IGF2BP2: variants seen among roughly 807,000 people sequenced by gnomAD.
The protein encoded by IGF2BP2 is insulin-like growth factor 2 mRNA-binding protein 2.
IGF2BP2 carries 17 observed loss-of-function variants against 75.8 expected under a neutral mutation model. The ratio of observed to expected loss-of-function variants is 0.22; its 90% CI spans 0.15 to 0.34. IGF2BP2 has a LOEUF of 0.34. IGF2BP2 is among the 10% of genes least tolerant of loss of function. The probability of loss-of-function intolerance (pLI) is 1.00; values close to 1 mark genes in which losing one functional copy is unlikely to be tolerated. For synonymous variants in IGF2BP2, 288 were observed against 295.6 expected (o/e 0.97, Z 0.26); for missense variants, 516 against 772.4 (o/e 0.67, Z 3.93).
intron 2 of IGF2BP2, among the ~76,000 whole-genome samples, chr3:185,747,718 T>A (rs1286086069): frequency 6.6e-6 from 1 of 151,982 alleles, no homozygotes; most frequent in Non-Finnish European, 1.5e-5. Context: ...TATATATTGT[T>A]CATATATATA....
At chr3:185,736,589 T>C (rs1728878650) in intron 2 of IGF2BP2, among the ~76,000 whole-genome samples, 2 of 152,198 alleles carry the variant, frequency 1.3e-5, no homozygotes, top group African/African-American at 4.8e-5. Context: ...ATAGGCCCAC[T>C]TGCTTACCCA....
At chr3:185,691,097 C>CA (rs1553861204) in intron 5 of IGF2BP2, among the ~76,000 whole-genome samples, 1 of 151,454 alleles carries the variant, frequency 6.6e-6, no homozygotes, top group Non-Finnish European at 1.5e-5. Flanking sequence ...TTACCTTTTT[C>CA]TTTTTTTTTA....
intron 2 of IGF2BP2, among the ~76,000 whole-genome samples, chr3:185,816,017 C>T (rs1248859031): frequency 1.3e-5 from 2 of 152,080 alleles, no homozygotes; most frequent in African/African-American, 4.8e-5. Context: ...AGAAAGATAC[C>T]ACCTCTGGGA....
chr3:185,737,640 A>T (rs1729029599), intron 2 of IGF2BP2, among the ~76,000 whole-genome samples: 1 of 152,378 alleles, frequency 6.6e-6, no homozygotes, highest in Admixed American at 6.5e-5. Context: ...TAACAGTTAC[A>T]TTATTCTATA....
chr3:185,768,240 G>A (rs1402000887), intron 2 of IGF2BP2, among the ~76,000 whole-genome samples: 1 of 152,164 alleles, frequency 6.6e-6, no homozygotes, highest in African/African-American at 2.4e-5. Flanking sequence ...GGAAAGTTGA[G>A]AACTTTCCCA....
intron 10 of IGF2BP2, among the ~76,000 whole-genome samples, chr3:185,660,482 T>C (rs1489576043): frequency 6.6e-6 from 1 of 152,196 alleles, no homozygotes; most frequent in African/African-American, 2.4e-5. Flanking sequence ...TGTGAACAAC[T>C]TGAGGAGCTG....
intron 2 of IGF2BP2, among the ~76,000 whole-genome samples, chr3:185,744,769 A>G (rs1560398481): frequency 6.6e-6 from 1 of 152,222 alleles, no homozygotes; most frequent in Non-Finnish European, 1.5e-5. Context: ...AGACTGTGCC[A>G]TTGCACTCCA....
At chr3:185,804,255 C>CAA (rs71164543) in intron 2 of IGF2BP2, among the ~76,000 whole-genome samples, 4 of 89,498 alleles carry the variant, frequency 4.5e-5, no homozygotes, top group Non-Finnish European at 4.6e-5. Flanking sequence ...GACTACGTCT[C>CAA]AAAAAAAAAA....
intron 2 of IGF2BP2, among the ~76,000 whole-genome samples, chr3:185,749,788 T>A (rs1201023856): frequency 1.3e-5 from 2 of 152,206 alleles, no homozygotes; most frequent in Non-Finnish European, 1.5e-5. Flanking sequence ...TTAACAAAGT[T>A]GCAGTGTGTT....
At chr3:185,701,284 A>G (rs1560318581) in intron 2 of IGF2BP2, among the ~76,000 whole-genome samples, 1 of 151,694 alleles carries the variant, frequency 6.6e-6, no homozygotes, top group Non-Finnish European at 1.5e-5. Context: ...ACAGGCTTTA[A>G]AAAACGAACA....
intron 1 of IGF2BP2, 65 bp from the exon 2 acceptor site, chr3:185,823,278 G>A (rs1013487514): frequency 6.8e-5 from 88 of 1,287,502 alleles, no homozygotes; most frequent in Non-Finnish European, 8.3e-5. Context: ...GTCTAGGGGG[G>A]GCACGCACGG....
rs553245111 is a variant in IGF2BP2, at chr3:185,782,790, G to C, written c.239+40363C>G. 3.9e-5 allele frequency among the ~76,000 whole-genome samples: 6 copies of C among 152,114 alleles called. No individual in the cohort carries two copies. The East Asian group carries it at 5.8e-4, about 15-fold the overall frequency. On this transcript the variant is annotated intron_variant, in intron 2 of 15. Transcript: ENST00000382199. ...CAAGGCTCTTACACAGAGAAGAGCCGGCATGAAGTTCACCAGGATCCCAGG... is the reference window on the plus strand; with the variant it reads ...CAAGGCTCTTACACAGAGAAGAGCCCGCATGAAGTTCACCAGGATCCCAGG...
At chr3:185,766,785 G>C (rs1733137630) in intron 2 of IGF2BP2, among the ~76,000 whole-genome samples, 1 of 152,202 alleles carries the variant, frequency 6.6e-6, no homozygotes, top group South Asian at 2.1e-4. Flanking sequence ...CTCCAAGTCA[G>C]TGAGTTATAT....
chr3:185,701,007 ATG>A (rs1175764710), intron 2 of IGF2BP2, among the ~76,000 whole-genome samples: 3 of 152,236 alleles, frequency 2.0e-5, no homozygotes, highest in Non-Finnish European at 4.4e-5. Context: ...TTCAATGTGT[ATG>A]TGTGTAAATG....
At chr3:185,649,664 G>A in intron 13 of IGF2BP2, 130 bp from the exon 14 acceptor site, 2 of 1,256,984 alleles carry the variant, frequency 1.6e-6, no homozygotes, top group East Asian at 2.4e-5. Flanking sequence ...GGACACACAG[G>A]AAGCTGCGTG....
At chr3:185,820,950 C>T (rs1370608109) in intron 2 of IGF2BP2, 2 of 1,500,992 alleles carry the variant, frequency 1.3e-6, no homozygotes, top group Non-Finnish European at 1.8e-6. Flanking sequence ...AGAAATGCAA[C>T]ACAAGAACAC....
intron 7 of IGF2BP2, among the ~76,000 whole-genome samples, chr3:185,679,101 T>C (rs758046807): frequency 6.6e-6 from 1 of 152,226 alleles, no homozygotes; most frequent in Non-Finnish European, 1.5e-5. Flanking sequence ...TTAATTCATT[T>C]GCACTTAAAA....
intron 2 of IGF2BP2, among the ~76,000 whole-genome samples, chr3:185,800,227 T>C (rs1037919055): frequency 1.3e-5 from 2 of 151,788 alleles, no homozygotes; most frequent in African/African-American, 4.8e-5. Context: ...AAATGAACAA[T>C]GAGAACACTT....
At chr3:185,705,338 G>A (rs1263008959) in intron 2 of IGF2BP2, among the ~76,000 whole-genome samples, 9 of 152,234 alleles carry the variant, frequency 5.9e-5, no homozygotes, top group East Asian at 1.9e-4. Flanking sequence ...CTCGTGATCC[G>A]CCTGCCTCAG....
Sources: allele counts gnomAD v4.1 joint callset (sites outside exome capture counted in the v4.1 genomes callset), GRCh38; gene constraint gnomAD v4.1.1; transcripts MANE v1.5; gene names NCBI Gene and HGNC (gene_info 2026-07-23, HGNC 2026-07-21).